Variants in ARAP2 observed in about 807,000 individuals in gnomAD.
The protein encoded by ARAP2 is arf-GAP with Rho-GAP domain, ANK repeat and PH domain-containing protein 2.
Under a neutral mutation model 194.5 loss-of-function variants are expected in ARAP2, and 148 were observed. The observed-to-expected ratio is 0.76, with a 90% CI of 0.67 to 0.87. The LOEUF (loss-of-function observed/expected upper bound fraction) is 0.87, where lower values mean the gene tolerates loss of function less well. ARAP2 is among the 40% of genes least tolerant of loss of function. The pLI is 0.00. For missense variants in ARAP2, 2,128 were observed against 1,989.7 expected (o/e 1.07, Z -1.32); for synonymous variants, 695 against 683.5 (o/e 1.02, Z -0.26).
At chr4:36,082,446 C>T (rs1019262102) in intron 29 of ARAP2, among the ~76,000 whole-genome samples, 160 bp from the exon 30 acceptor site, 3 of 152,086 alleles carry the variant, frequency 2.0e-5, no homozygotes, top group Admixed American at 1.3e-4. Flanking sequence ...GAGGTGAATG[C>T]TAAATGCTAA....
chr4:36,064,052 T>TTC (rs1264066830), downstream of ARAP2, among the ~76,000 whole-genome samples: 1 of 152,214 alleles, frequency 6.6e-6, no homozygotes, highest in Non-Finnish European at 1.5e-5. Flanking sequence ...TGATTTTGAG[T>TTC]TCTCAGTGAC....
chr4:36,047,105 C>T (rs1436863784), intron 3 of ARAP2: 1 of 152,292 alleles, frequency 6.6e-6, no homozygotes, highest in African/African-American at 2.4e-5. Context: ...ACATGACTTA[C>T]GTTGTGCTAT....
In ARAP2 at chr4:36,223,944, T is replaced by C. The variant is rs1212746632; in HGVS notation, c.905+4638A>G. Among the ~76,000 whole-genome samples the C allele has an allele frequency of 3.3e-5, 5 of 152,288 alleles. No homozygotes were observed. The East Asian group carries it at 7.7e-4, about 23-fold the overall frequency. ...GCCAGAGAGACAAAGACAACTATCATTGGTATCAGAATTAAAATGGTTTGT... is the reference window on the plus strand; with the variant it reads ...GCCAGAGAGACAAAGACAACTATCACTGGTATCAGAATTAAAATGGTTTGT... On this transcript the variant is annotated intron_variant, in intron 2 of 32. Coordinates refer to ENST00000303965, the MANE Select transcript of ARAP2 (RefSeq NM_015230.4).
At position 36,020,981 on chromosome 4, in the gene ARAP2, G is replaced by A. The variant is rs78311244; in HGVS notation, n.608-1695C>T. On this transcript the variant is annotated intron_variant and non_coding_transcript_variant, in intron 5 of 12. Transcript: ENST00000503225. ...TGCAAGAAGGAAAGGGAGAGTTTCC[G>A]ATGTTTAAAAAACTGGGTGAATGTA... Among the ~76,000 whole-genome samples, 45 of 152,258 alleles carry A rather than the reference G, an allele frequency of 3.0e-4. No individual in the cohort carries two copies. In the South Asian group the frequency reaches 8.5e-3, roughly 29 times the overall value.
chr4:36,119,509 A>C, intron 24 of ARAP2, 141 bp downstream of exon 24: 1 of 503,516 alleles, frequency 2.0e-6, no homozygotes, highest in Non-Finnish European at 3.4e-6. Flanking sequence ...TGAATTACAC[A>C]ACCAATTAGT....
chr4:36,008,105 A>T (rs1338138722), intron 9 of ARAP2, among the ~76,000 whole-genome samples: 2 of 152,170 alleles, frequency 1.3e-5, no homozygotes. Flanking sequence ...CATCACTAAA[A>T]TACCCGTACT....
intron 19 of ARAP2, among the ~76,000 whole-genome samples, chr4:36,137,785 C>T (rs1727199367): frequency 6.6e-6 from 1 of 151,832 alleles, no homozygotes; most frequent in East Asian, 1.9e-4. Context: ...AATCAGATCT[C>T]CATAATTTAA....
intron 7 of ARAP2, among the ~76,000 whole-genome samples, chr4:36,189,425 C>A (rs1191742079): frequency 6.6e-6 from 1 of 152,080 alleles, no homozygotes; most frequent in African/African-American, 2.4e-5. Context: ...ATTCAATATC[C>A]TCCTTCTGGC....
chr4:36,082,253 G>A lies in ARAP2; in HGVS notation c.4542C>T (p.His1514=). The A allele has an allele frequency of 6.2e-7, 1 of 1,610,752 alleles. No homozygotes were observed. Among genetic ancestry groups the A allele is most frequent in the African/African-American group, 1.3e-5 (1 of 74,812 alleles). The change falls in exon 30 of 33, where the codon CAC becomes CAT. Residue 1514 remains histidine (H), a splice_region_variant and synonymous_variant. Coordinates refer to ENST00000303965, the MANE Select transcript of ARAP2 (RefSeq NM_015230.4). Reference sequence around the variant, plus strand: ...AAAGTTGTCAGCTGTTAACTTACCAGTGATGTTTCTCAGAATATGCGGTCA... The same window carrying A: ...AAAGTTGTCAGCTGTTAACTTACCAATGATGTTTCTCAGAATATGCGGTCA... ...WGLTAYSEKH[H]WHLCCDSSRT...
Position 36,110,747 on chromosome 4 carries a change from G to T in ARAP2, c.4157-3054C>A, listed in dbSNP as rs184396184. The stretch of plus-strand genomic sequence containing the variant: ...AGAAGAAAAGATGACTGCTGTTTTA[G>T]TCAGAACTTCCTGAAAAGTTGTGCA... On this transcript the variant is annotated intron_variant, in intron 26 of 32. Transcript: ENST00000303965. 1.4e-3 allele frequency among the ~76,000 whole-genome samples: 216 copies of T among 151,956 alleles called. 1 individual carries two copies. Among genetic ancestry groups the T allele is most frequent in the African/African-American group, 5.1e-3 (210 of 41,502 alleles).
intron 2 of ARAP2, among the ~76,000 whole-genome samples, chr4:36,220,946 G>A (rs368554833): frequency 1.6e-4 from 25 of 152,138 alleles, no homozygotes; most frequent in African/African-American, 5.1e-4. Context: ...GGTCTATAAC[G>A]TCTACAGTGG....
At chr4:36,111,556 A>ATGTGTC (rs1182479731) in intron 26 of ARAP2, among the ~76,000 whole-genome samples, 32 of 152,152 alleles carry the variant, frequency 2.1e-4, no homozygotes, top group African/African-American at 6.7e-4. Context: ...ACACATTCAC[A>ATGTGTC]AATCAAAACT....
chr4:36,061,631 G>A (rs34765973), downstream of ARAP2, among the ~76,000 whole-genome samples: 62,171 of 151,998 alleles, frequency 0.41, 14,174 homozygotes, highest in Middle Eastern at 0.52. Context: ...ACATGGGAGT[G>A]CTGCTATCTC....
chr4:36,212,635 A>C (rs1747010677), intron 4 of ARAP2, 148 bp from the exon 5 acceptor site: 2 of 524,278 alleles, frequency 3.8e-6, no homozygotes, highest in Admixed American at 6.6e-5. Context: ...ATCAATTTTC[A>C]GAAAAAAAAG....
intron 6 of ARAP2, among the ~76,000 whole-genome samples, chr4:36,210,173 C>T (rs966969999): frequency 9.2e-5 from 14 of 152,098 alleles, no homozygotes; most frequent in Non-Finnish European, 1.6e-4. Context: ...TAATTTGCGA[C>T]TCTGGACCTT....
intron 27 of ARAP2, among the ~76,000 whole-genome samples, chr4:36,105,394 C>A (rs1019004699): frequency 1.3e-5 from 2 of 151,934 alleles, no homozygotes; most frequent in African/African-American, 4.8e-5. Flanking sequence ...ACTTAAGCCT[C>A]CAGCTTGCTT....
intron 24 of ARAP2, among the ~76,000 whole-genome samples, chr4:36,117,658 C>G (rs1055235522): frequency 6.6e-6 from 1 of 151,416 alleles, no homozygotes. Context: ...TAGGTCAGAG[C>G]TATATTAAAA....
intron 8 of ARAP2, among the ~76,000 whole-genome samples, chr4:36,180,967 C>T (rs144749980): frequency 6.6e-6 from 1 of 152,298 alleles, no homozygotes; most frequent in African/African-American, 2.4e-5. Context: ...TGTATTTGGC[C>T]GTGCAATGTG....
intron 5 of ARAP2, among the ~76,000 whole-genome samples, chr4:36,038,915 C>G (rs1720373296): frequency 6.6e-6 from 1 of 152,128 alleles, no homozygotes; most frequent in Admixed American, 6.6e-5. Context: ...TTTCTGAGAA[C>G]ATTTATGCCA....
Sources: allele counts gnomAD v4.1 joint callset (sites outside exome capture counted in the v4.1 genomes callset), GRCh38; gene constraint gnomAD v4.1.1; transcripts MANE v1.5; gene names NCBI Gene and HGNC (gene_info 2026-07-23, HGNC 2026-07-21).